Variants in GRIA1 observed in about 807,000 individuals in gnomAD.
GRIA1 encodes glutamate ionotropic receptor AMPA type subunit 1.
GRIA1 carries 31 observed loss-of-function variants against 99.2 expected under a neutral mutation model. The observed-to-expected ratio is 0.31, with a 90% CI of 0.23 to 0.42. GRIA1 has a LOEUF of 0.42. GRIA1 is among the 10% of genes least tolerant of loss of function. GRIA1 has a pLI of 1.00. For missense variants in GRIA1, 782 were observed against 1,157.5 expected (o/e 0.68, Z 4.71); for synonymous variants, 438 against 432.4 (o/e 1.01, Z -0.16).
intron 11 of GRIA1, among the ~76,000 whole-genome samples, chr5:153,716,149 C>T (rs1759653186): frequency 1.3e-5 from 2 of 152,222 alleles, no homozygotes; most frequent in African/African-American, 4.8e-5. Context: ...ATGTGTCAGG[C>T]ACTCTGACAA....
intron 2 of GRIA1, among the ~76,000 whole-genome samples, chr5:153,572,998 C>A (rs1461151656): frequency 6.6e-6 from 1 of 152,120 alleles, no homozygotes; most frequent in Non-Finnish European, 1.5e-5. Flanking sequence ...TTCAGATAAA[C>A]AAATAAGCAT....
chr5:153,679,943 A>G (rs1756856018), intron 7 of GRIA1, among the ~76,000 whole-genome samples: 1 of 152,246 alleles, frequency 6.6e-6, no homozygotes, highest in African/African-American at 2.4e-5. Context: ...CTAAACATTT[A>G]CACATATTAT....
chr5:153,757,928 G>A (rs902733692), intron 11 of GRIA1, among the ~76,000 whole-genome samples: 2 of 152,116 alleles, frequency 1.3e-5, no homozygotes, highest in African/African-American at 2.4e-5. Context: ...ATCATGGTGT[G>A]TAAATCACTT....
chr5:153,645,818 A>G (rs1393457160), intron 2 of GRIA1, among the ~76,000 whole-genome samples: 2 of 152,236 alleles, frequency 1.3e-5, no homozygotes, highest in Admixed American at 6.5e-5. Context: ...GAAAAAAATA[A>G]TAATACCTAA....
intron 11 of GRIA1, among the ~76,000 whole-genome samples, chr5:153,709,710 A>T (rs1158555789): frequency 6.6e-6 from 1 of 152,206 alleles, no homozygotes; most frequent in African/African-American, 2.4e-5. Context: ...AAGGAAAAAA[A>T]GTGTTGCCTT....
chr5:153,616,996 G>T (rs80193910), intron 2 of GRIA1, among the ~76,000 whole-genome samples: 5,641 of 152,306 alleles, frequency 0.037, 141 homozygotes, highest in Non-Finnish European at 0.056. Flanking sequence ...GTTGGCCATG[G>T]CTATAGCTGC....
At chr5:153,765,616 C>T (rs531508863) in intron 12 of GRIA1, among the ~76,000 whole-genome samples, 1 of 152,252 alleles carries the variant, frequency 6.6e-6, no homozygotes, top group South Asian at 2.1e-4. Context: ...ACAACTTGGA[C>T]AGACACCGAG....
chr5:153,747,485 C>T lies in GRIA1; in HGVS notation c.1824-16949C>T, dbSNP rs188937052. On this transcript the variant is annotated intron_variant, in intron 11 of 15. Transcript: ENST00000285900. Reference sequence around the variant, plus strand: ...CATCCAAACTCTCTCAGGGGATACACCCACCTGGCCCAAAGAAAGAGATGG... The same window carrying T: ...CATCCAAACTCTCTCAGGGGATACATCCACCTGGCCCAAAGAAAGAGATGG... Among the ~76,000 whole-genome samples, 3 of 152,308 alleles carry T rather than the reference C, an allele frequency of 2.0e-5. No homozygotes were observed. In the Middle Eastern group the frequency reaches 0.01, roughly 518 times the overall value.
intron 2 of GRIA1, among the ~76,000 whole-genome samples, chr5:153,639,789 A>T (rs1288253609): frequency 6.6e-6 from 1 of 152,212 alleles, no homozygotes; most frequent in African/African-American, 2.4e-5. Context: ...AACTTGTTGG[A>T]TGGGTGAATG....
At chr5:153,707,977 T>C (rs1490915605) in intron 11 of GRIA1, among the ~76,000 whole-genome samples, 2 of 152,122 alleles carry the variant, frequency 1.3e-5, no homozygotes, top group African/African-American at 4.8e-5. Context: ...AATTCCTAAC[T>C]AGTCAGCATA....
intron 2 of GRIA1, among the ~76,000 whole-genome samples, chr5:153,510,670 C>CA (rs560256429): frequency 1.3e-3 from 205 of 152,210 alleles, no homozygotes; most frequent in African/African-American, 4.8e-3. Flanking sequence ...ATTTGAGAGA[C>CA]AAAATAATAT....
intron 2 of GRIA1, among the ~76,000 whole-genome samples, chr5:153,621,298 A>T (rs1212956843): frequency 6.6e-6 from 1 of 152,156 alleles, no homozygotes. Context: ...ATCAGTAACC[A>T]TCTGAAAGAA....
chr5:153,679,821 A>G (rs1314182962), intron 7 of GRIA1, among the ~76,000 whole-genome samples: 2 of 152,334 alleles, frequency 1.3e-5, no homozygotes, highest in East Asian at 1.9e-4. Flanking sequence ...TGGGTTGTCT[A>G]TAAGTTAGGC....
At chr5:153,642,196 C>G (rs1252521990) in intron 2 of GRIA1, among the ~76,000 whole-genome samples, 3 of 152,120 alleles carry the variant, frequency 2.0e-5, no homozygotes, top group Non-Finnish European at 1.5e-5. Context: ...TGAAGCTGAC[C>G]CATGTCCCAA....
chr5:153,596,863 A>G (rs1764479070), intron 2 of GRIA1, among the ~76,000 whole-genome samples: 3 of 152,220 alleles, frequency 2.0e-5, no homozygotes, highest in African/African-American at 7.2e-5. Flanking sequence ...ATGAAAAATC[A>G]TATTTGTTTG....
chr5:153,669,266 T>C (rs1361980045), intron 5 of GRIA1, among the ~76,000 whole-genome samples: 2 of 152,202 alleles, frequency 1.3e-5, no homozygotes, highest in Admixed American at 6.5e-5. Flanking sequence ...TATTCTTTTG[T>C]TTTTAAATTA....
intron 11 of GRIA1, among the ~76,000 whole-genome samples, chr5:153,734,224 C>T (rs1199161420): frequency 1.3e-5 from 2 of 152,142 alleles, no homozygotes; most frequent in South Asian, 2.1e-4. Context: ...TGTAAATTCC[C>T]ATCCACCACA....
At chr5:153,568,327 C>T (rs781359088) in intron 2 of GRIA1, among the ~76,000 whole-genome samples, 4 of 152,214 alleles carry the variant, frequency 2.6e-5, no homozygotes, top group Non-Finnish European at 4.4e-5. Context: ...GCAGCATCAG[C>T]ATCACCTGGA....
intron 11 of GRIA1, among the ~76,000 whole-genome samples, chr5:153,750,080 C>T (rs747418051): frequency 1.3e-5 from 2 of 152,084 alleles, no homozygotes; most frequent in Non-Finnish European, 2.9e-5. Flanking sequence ...CAGGGAAGAG[C>T]TGAGTGATTT....
Sources: allele counts gnomAD v4.1 joint callset (sites outside exome capture counted in the v4.1 genomes callset), GRCh38; gene constraint gnomAD v4.1.1; transcripts MANE v1.5; gene names NCBI Gene and HGNC (gene_info 2026-07-23, HGNC 2026-07-21).